SLC35F4: variants seen among roughly 807,000 people sequenced by gnomAD.
SLC35F4 encodes the protein solute carrier family 35 member F4.
A neutral mutation model predicts 44.2 loss-of-function variants in SLC35F4; 24 were observed. The ratio of observed to expected loss-of-function variants is 0.54; its 90% confidence interval spans 0.39 to 0.76. SLC35F4 has a LOEUF of 0.76. Ranked by LOEUF, SLC35F4 falls within the 30% of genes least tolerant of loss-of-function variation. The pLI is 0.00. For synonymous variants in SLC35F4, 238 were observed against 223.6 expected, an observed-to-expected ratio of 1.06 and a Z score of -0.57; for missense variants, 562 against 586.1, an observed-to-expected ratio of 0.96 and a Z score of 0.42.
intron 1 of SLC35F4, among the ~76,000 whole-genome samples, chr14:57,746,817 C>A (rs2076766699): frequency 6.6e-6 from 1 of 151,964 alleles, no homozygotes; most frequent in South Asian, 2.1e-4. Context: ...ACCAGAAATG[C>A]AAAGTTAGAG....
At chr14:57,864,357 C>T (rs1277156245) in intron 1 of SLC35F4, among the ~76,000 whole-genome samples, 1 of 152,154 alleles carries the variant, frequency 6.6e-6, no homozygotes, top group Non-Finnish European at 1.5e-5. Flanking sequence ...AAAATTCTAA[C>T]ACTATATAAT....
chr14:57,790,519 G>A (rs938236844), intron 1 of SLC35F4, among the ~76,000 whole-genome samples: 23 of 152,050 alleles, frequency 1.5e-4, no homozygotes, highest in Admixed American at 4.6e-4. Context: ...TTTCATGCTC[G>A]TGGATGGGAA....
In SLC35F4 at chr14:57,727,091, G is replaced by A. The variant is rs548716983; in HGVS notation, c.104-132967C>T. On this transcript the variant is annotated intron_variant, in intron 1 of 7. Coordinates refer to ENST00000556826, the MANE Select transcript of SLC35F4 (RefSeq NM_001306087.2). Reference sequence around the variant, plus strand: ...TGGCCTATTGTGGGACCTTGTGATCGTGTGAGTTAATACTTAATAAGCTCA... The same window carrying A: ...TGGCCTATTGTGGGACCTTGTGATCATGTGAGTTAATACTTAATAAGCTCA... 1.2e-4 allele frequency among the ~76,000 whole-genome samples: 18 copies of A among 151,394 alleles called. No homozygotes were observed. The South Asian group carries it at 1.3e-3, about 11-fold the overall frequency.
At chr14:57,919,872 G>A (rs901272798) in intron 1 of SLC35F4, among the ~76,000 whole-genome samples, 1 of 152,152 alleles carries the variant, frequency 6.6e-6, no homozygotes, top group Non-Finnish European at 1.5e-5. Context: ...TGTGGAAGAA[G>A]GCTCAGTGAG....
Position 57,564,086 on chromosome 14 carries a change from G to A in SLC35F4, c.*49C>T, listed in dbSNP as rs753407473. On this transcript the variant is annotated 3_prime_UTR_variant, in exon 8 of 8. Transcript: ENST00000556826. ...AGTGTACAGGTAGTGAGAAAATTTT[G>A]TTATATTCACAGAATATACATACAC... 21 of 1,570,540 alleles carry A rather than the reference G, an allele frequency of 1.3e-5. No homozygotes were observed. In the Admixed American group the frequency reaches 2.2e-4, roughly 17 times the overall value.
At position 57,564,204 on chromosome 14, in the gene SLC35F4, C is replaced by T; in HGVS notation, c.1389G>A (p.Val463=). The change falls in exon 8 of 8, where the codon GTG becomes GTA. Residue 463 remains valine (V), a synonymous_variant. Coordinates refer to ENST00000556826, the MANE Select transcript of SLC35F4 (RefSeq NM_001306087.2). Reference sequence around the variant, plus strand: ...CCCGCAGGTGTATGCTGGGATCAGTCACATCATCCACATGCTCCTCACTCT... The same window carrying T: ...CCCGCAGGTGTATGCTGGGATCAGTTACATCATCCACATGCTCCTCACTCT... ...EKKSEEHVDD[V]TDPSIHLRGR... is the part of the protein sequence containing the mutation. The T allele has an allele frequency of 6.2e-7, 1 of 1,613,564 alleles. No individual in the cohort carries two copies. The highest frequency in any genetic ancestry group is 8.5e-7 in the Non-Finnish European group (1 of 1,179,776).
intron 1 of SLC35F4, among the ~76,000 whole-genome samples, chr14:57,758,952 T>C (rs903887651): frequency 5.9e-5 from 9 of 152,192 alleles, no homozygotes; most frequent in Non-Finnish European, 1.3e-4. Context: ...GTTTGACTAT[T>C]ATAAACACCT....
chr14:57,744,613 G>A (rs1218944589), intron 1 of SLC35F4, among the ~76,000 whole-genome samples: 1 of 152,166 alleles, frequency 6.6e-6, no homozygotes, highest in African/African-American at 2.4e-5. Context: ...CACGCTCATG[G>A]ATAGGAAGAA....
chr14:57,742,659 A>T (rs2076643399), intron 1 of SLC35F4, among the ~76,000 whole-genome samples: 1 of 152,222 alleles, frequency 6.6e-6, no homozygotes, highest in South Asian at 2.1e-4. Context: ...CATTAGACAG[A>T]TCAACAAGAC....
Position 57,581,451 on chromosome 14 carries a change from A to G in SLC35F4, c.588-18T>C, listed in dbSNP as rs1594932422. On this transcript the variant is annotated intron_variant, in intron 3 of 7. Coordinates refer to ENST00000556826, the MANE Select transcript of SLC35F4 (RefSeq NM_001306087.2). ...TGCATTCCCTAGGAAAGAAAAGAGA[A>G]GTTAATATCCAGGTACTGATGGTGA... 1 of 1,590,724 alleles carries G rather than the reference A, an allele frequency of 6.3e-7. No homozygotes were observed. The highest frequency in any genetic ancestry group is 1.3e-5 in the African/African-American group (1 of 74,388).
intron 1 of SLC35F4, among the ~76,000 whole-genome samples, chr14:57,911,460 T>C (rs1306525026): frequency 6.6e-6 from 1 of 152,020 alleles, no homozygotes; most frequent in Non-Finnish European, 1.5e-5. Flanking sequence ...GAAGTTTTTC[T>C]CTATTTTTAC....
rs145404098 is a variant in SLC35F4, at chr14:57,833,130, G to A, written c.103+32593C>T. On this transcript the variant is annotated intron_variant, in intron 1 of 7. Coordinates refer to ENST00000556826, the MANE Select transcript of SLC35F4 (RefSeq NM_001306087.2). ...CTAGTAAAAGCATGACTGGTATAAA[G>A]CTTACTGTCACGTTGTTGTCATTGT... 2.2e-3 allele frequency among the ~76,000 whole-genome samples: 341 copies of A among 152,232 alleles called. 2 individuals are homozygous for A. Among genetic ancestry groups the A allele is most frequent in the African/African-American group, 8.0e-3 (334 of 41,530 alleles).
chr14:57,604,667 A>G (rs1390294166), intron 1 of SLC35F4, among the ~76,000 whole-genome samples: 1 of 152,240 alleles, frequency 6.6e-6, no homozygotes, highest in African/African-American at 2.4e-5. Flanking sequence ...AAGCAAAAAG[A>G]ACAAAACCAG....
At chr14:57,858,114 C>G (rs1432039591) in intron 1 of SLC35F4, among the ~76,000 whole-genome samples, 1 of 151,988 alleles carries the variant, frequency 6.6e-6, no homozygotes, top group Non-Finnish European at 1.5e-5. Flanking sequence ...TTGTGGGAGA[C>G]AGTGTGGTGA....
At chr14:57,758,388 G>A (rs139021594) in intron 1 of SLC35F4, among the ~76,000 whole-genome samples, 6 of 151,638 alleles carry the variant, frequency 4.0e-5, no homozygotes, top group Admixed American at 2.0e-4. Flanking sequence ...GTATCATCTT[G>A]GATAGTTTCT....
chr14:57,832,480 TAATA>T (rs1001075475), intron 1 of SLC35F4, among the ~76,000 whole-genome samples: 2 of 152,190 alleles, frequency 1.3e-5, no homozygotes, highest in African/African-American at 4.8e-5. Flanking sequence ...GTATTTTTGT[TAATA>T]AATAAATTTT....
At chr14:57,681,293 T>C (rs983241020) in intron 1 of SLC35F4, among the ~76,000 whole-genome samples, 8 of 152,020 alleles carry the variant, frequency 5.3e-5, no homozygotes, top group African/African-American at 1.9e-4. Flanking sequence ...ATTTAATAAA[T>C]GGTGTTGGGA....
chr14:57,979,521 T>C (rs530120956), intron 1 of SLC35F4, among the ~76,000 whole-genome samples: 1 of 152,236 alleles, frequency 6.6e-6, no homozygotes, highest in South Asian at 2.1e-4. Context: ...TACCTCTCAT[T>C]CCCTGCTTCA....
chr14:57,858,641 G>A (rs1203708333), intron 1 of SLC35F4, among the ~76,000 whole-genome samples: 1 of 151,220 alleles, frequency 6.6e-6, no homozygotes, highest in African/African-American at 2.4e-5. Flanking sequence ...TAACAAACCT[G>A]CACATTGTGC....
Sources: allele counts gnomAD v4.1 joint callset (sites outside exome capture counted in the v4.1 genomes callset), GRCh38; gene constraint gnomAD v4.1.1; transcripts MANE v1.5; gene names NCBI Gene and HGNC (gene_info 2026-07-23, HGNC 2026-07-21).